The following EPHX4 variants were observed in gnomAD, a reference collection of about 807,000 sequenced individuals.
The protein encoded by EPHX4 is epoxide hydrolase 4, also known as abhydrolase domain containing 7.
A neutral mutation model predicts 44.9 loss-of-function variants in EPHX4; 31 were observed. The ratio of observed to expected loss-of-function variants is 0.69; its 90% confidence interval spans 0.52 to 0.93. The LOEUF (loss-of-function observed/expected upper bound fraction) is 0.93, where lower values mean the gene tolerates loss of function less well. Among genes scored for constraint, EPHX4 ranks in the 40% least tolerant of loss-of-function variants. EPHX4 has a pLI of 0.00. For synonymous variants in EPHX4, 151 were observed against 159.7 expected (o/e 0.95, Z 0.41); for missense variants, 373 against 438.1 (o/e 0.85, Z 1.33).
chr1:92,039,503 TTAAG>T (rs1234856956), intron 2 of EPHX4, among the ~76,000 whole-genome samples: 6 of 152,148 alleles, frequency 3.9e-5, no homozygotes, highest in Admixed American at 2.0e-4. Flanking sequence ...ATTCAAAATT[TTAAG>T]TAAGGCAAAT....
Position 92,052,669 on chromosome 1 carries a change from T to A in EPHX4, c.857+11T>A. On this transcript the variant is annotated intron_variant, in intron 6 of 6. Coordinates refer to ENST00000370383, the MANE Select transcript of EPHX4 (RefSeq NM_173567.5). ...CCGAAATATCTTCAGGTAAGTATAA[T>A]TTCTTTTTAGTTAAATAAAAATATT... 6.3e-7 allele frequency: 1 copy of A among 1,576,902 alleles called. No homozygotes were observed. The highest frequency in any genetic ancestry group is 1.2e-5 in the South Asian group (1 of 82,634).
intron 1 of EPHX4, 104 bp downstream of exon 1, chr1:92,030,414 A>G (rs1194086111): frequency 6.9e-6 from 7 of 1,020,722 alleles, no homozygotes; most frequent in Non-Finnish European, 9.5e-6. Context: ...AGCGTCCCCT[A>G]GTGTCCTGGC....
intron 2 of EPHX4, among the ~76,000 whole-genome samples, chr1:92,036,701 G>C (rs551891270): frequency 6.6e-6 from 1 of 152,160 alleles, no homozygotes; most frequent in Non-Finnish European, 1.5e-5. Context: ...AACTACAAAC[G>C]CAGATAGCTC....
intron 2 of EPHX4, among the ~76,000 whole-genome samples, chr1:92,036,729 A>G (rs1290189835): frequency 6.6e-6 from 1 of 152,222 alleles, no homozygotes; most frequent in Non-Finnish European, 1.5e-5. Flanking sequence ...CAGATAGATC[A>G]TATTGAATTC....
intron 6 of EPHX4, 97 bp from the exon 7 acceptor site, chr1:92,062,958 G>T: frequency 9.7e-7 from 1 of 1,028,434 alleles, no homozygotes; most frequent in East Asian, 2.4e-5. Flanking sequence ...AGGCAAGATT[G>T]CTCACTTCAA....
rs1312517839 is a variant in EPHX4 at position 92,063,254 on chromosome 1, T to G, written c.1057T>G (p.Phe353Val). 2 of 1,597,446 alleles carry G rather than the reference T, an allele frequency of 1.3e-6. No individual in the cohort carries two copies. The highest frequency in any genetic ancestry group is 1.7e-6 in the Non-Finnish European group (2 of 1,167,918). ...PDIVNKLIWT[F>V]LKEETRKKD ...CATAGTGAACAAATTGATATGGACA[T>G]TTCTAAAAGAAGAAACAAGAAAAAA... The change falls in exon 7 of 7, where the codon TTT (phenylalanine) becomes GTT (valine). Residue 353 changes from phenylalanine to valine, a missense_variant. By Grantham distance (50) the Phe-to-Val change is conservative. Coordinates refer to ENST00000370383, the MANE Select transcript of EPHX4 (RefSeq NM_173567.5).
chr1:92,052,764 T>C, intron 6 of EPHX4, 106 bp downstream of exon 6: 5 of 1,019,942 alleles, frequency 4.9e-6, no homozygotes, highest in East Asian at 2.9e-5. Flanking sequence ...AAGACTCAAA[T>C]AAGGTATTTT....
Position 92,051,128 on chromosome 1 carries a change from C to T in EPHX4, c.708+708C>T, listed in dbSNP as rs547894546. On this transcript the variant is annotated intron_variant, in intron 5 of 6. Transcript: ENST00000370383. ...GATTACAGGCATAAGCCACCACTCC[C>T]GACATAAATGCTTCTTACATGTCCA... Among the ~76,000 whole-genome samples, 32 of 152,120 alleles carry T rather than the reference C, an allele frequency of 2.1e-4. No individual in the cohort carries two copies. The South Asian group carries it at 6.2e-3, about 30-fold the overall frequency.
chr1:92,055,987 CAGAG>C (rs150445133), intron 6 of EPHX4, among the ~76,000 whole-genome samples: 25 of 147,324 alleles, frequency 1.7e-4, no homozygotes, highest in East Asian at 9.9e-4. Context: ...TGTTAATTAG[CAGAG>C]AGAGAGAGAG....
At chr1:92,043,920 T>C (rs1438843753) in intron 3 of EPHX4, 1 of 152,190 alleles carries the variant, frequency 6.6e-6, no homozygotes, top group Admixed American at 6.5e-5. Flanking sequence ...AGTCATATGG[T>C]GGAGCCCAAA....
intron 2 of EPHX4, among the ~76,000 whole-genome samples, chr1:92,042,378 G>T (rs1435085209): frequency 6.6e-6 from 1 of 151,904 alleles, no homozygotes; most frequent in African/African-American, 2.4e-5. Flanking sequence ...CTTACTTGCA[G>T]CTATATATCT....
intron 2 of EPHX4, among the ~76,000 whole-genome samples, chr1:92,035,291 G>C (rs955322926): frequency 6.6e-6 from 1 of 152,168 alleles, no homozygotes; most frequent in African/African-American, 2.4e-5. Context: ...GGCATAATTA[G>C]TTCACAATAA....
chr1:92,050,196 CCTTA>C (rs1647224055), intron 4 of EPHX4, 117 bp from the exon 5 acceptor site: 1 of 630,688 alleles, frequency 1.6e-6, no homozygotes, highest in East Asian at 3.0e-5. Context: ...TCCAAAGAAG[CCTTA>C]CTTATGGATT....
chr1:92,049,125 A>T (rs1360269262), intron 4 of EPHX4, among the ~76,000 whole-genome samples: 2 of 152,246 alleles, frequency 1.3e-5, no homozygotes, highest in South Asian at 4.2e-4. Flanking sequence ...CTGGTCCTAC[A>T]TGATCAGGCT....
chr1:92,061,605 C>T (rs1647500055), intron 6 of EPHX4, among the ~76,000 whole-genome samples: 1 of 152,110 alleles, frequency 6.6e-6, no homozygotes, highest in Admixed American at 6.5e-5. Flanking sequence ...CTTATTATAG[C>T]ATAATTTAAA....
chr1:92,061,510 G>T (rs1647494706), intron 6 of EPHX4, among the ~76,000 whole-genome samples: 1 of 152,270 alleles, frequency 6.6e-6, no homozygotes, highest in East Asian at 1.9e-4. Context: ...AAAAATATTT[G>T]TTCCCTTAAG....
At chr1:92,045,504 G>C (rs1233465720) in intron 3 of EPHX4, 28 bp from the exon 4 acceptor site, 1 of 1,611,766 alleles carries the variant, frequency 6.2e-7, no homozygotes, top group Non-Finnish European at 8.5e-7. Flanking sequence ...TCTTTTTAAT[G>C]ATGTCAACAT....
chr1:92,033,404 A>G (rs1323454565), intron 2 of EPHX4, among the ~76,000 whole-genome samples: 1 of 152,154 alleles, frequency 6.6e-6, no homozygotes, highest in Non-Finnish European at 1.5e-5. Flanking sequence ...TAGTAACAAA[A>G]CAGTTTGTAT....
chr1:92,044,576 T>C (rs928662967), intron 3 of EPHX4, among the ~76,000 whole-genome samples: 59 of 152,210 alleles, frequency 3.9e-4, no homozygotes, highest in African/African-American at 1.3e-3. Flanking sequence ...TAACGTACTT[T>C]AAATTAACCG....
Sources: gnomAD v4.1 joint callset for allele counts (sites outside exome capture counted in the v4.1 genomes callset) on GRCh38, gnomAD v4.1.1 for gene constraint, MANE v1.5 for transcripts, NCBI Gene and HGNC (gene_info 2026-07-23, HGNC 2026-07-21) for gene names.